CTNNA2: variants seen among roughly 807,000 people sequenced by gnomAD.
The protein encoded by CTNNA2 is catenin alpha 2.
CTNNA2 carries 42 observed loss-of-function variants against 101.0 expected under a neutral mutation model. That is an observed-to-expected ratio of 0.42 (90% CI 0.32 to 0.54). The LOEUF is 0.54. CTNNA2 is among the 20% of genes least tolerant of loss of function. The probability of loss-of-function intolerance (pLI) is 0.14; values close to 1 mark genes in which losing one functional copy is unlikely to be tolerated. For missense variants in CTNNA2, 871 were observed against 1,223.1 expected (o/e 0.71, Z 4.29); for synonymous variants, 450 against 456.4 (o/e 0.99, Z 0.18).
intron 6 of CTNNA2, among the ~76,000 whole-genome samples, chr2:79,894,200 T>C (rs949749672): frequency 6.6e-6 from 1 of 152,080 alleles, no homozygotes; most frequent in East Asian, 1.9e-4. Context: ...CCAGTTAACC[T>C]TGATATGCTA....
At chr2:80,131,683 C>A (rs2148895345) in intron 7 of CTNNA2, among the ~76,000 whole-genome samples, 1 of 152,288 alleles carries the variant, frequency 6.6e-6, no homozygotes, top group South Asian at 2.1e-4. Flanking sequence ...ACCCCAAATT[C>A]TAAGCCTCAC....
chr2:79,620,621 A>G (rs902834345), intron 1 of CTNNA2, among the ~76,000 whole-genome samples: 2 of 152,186 alleles, frequency 1.3e-5, no homozygotes, highest in Non-Finnish European at 2.9e-5. Context: ...ACTGATTTCT[A>G]AGGACCCTGA....
intron 7 of CTNNA2, among the ~76,000 whole-genome samples, chr2:80,247,324 C>T (rs992316335): frequency 1.2e-4 from 19 of 152,154 alleles, no homozygotes; most frequent in African/African-American, 4.1e-4. Flanking sequence ...TGCTGTACCG[C>T]TTTGACCAGT....
intron 2 of CTNNA2, among the ~76,000 whole-genome samples, chr2:79,713,873 C>G (rs1374273207): frequency 6.6e-6 from 1 of 152,112 alleles, no homozygotes; most frequent in African/African-American, 2.4e-5. Flanking sequence ...GAAAAGCACC[C>G]AAGAATTTAA....
At chr2:79,636,036 C>T (rs944222402) in intron 1 of CTNNA2, among the ~76,000 whole-genome samples, 7 of 148,314 alleles carry the variant, frequency 4.7e-5, no homozygotes, top group East Asian at 2.1e-4. Context: ...CTGAGGCAGG[C>T]GGATCACGAG....
At chr2:80,287,523 T>C (rs1674875294) in intron 7 of CTNNA2, among the ~76,000 whole-genome samples, 1 of 152,186 alleles carries the variant, frequency 6.6e-6, no homozygotes, top group Non-Finnish European at 1.5e-5. Flanking sequence ...ATGACGAGGA[T>C]GACACTGATG....
Position 80,476,849 on chromosome 2 carries a change from T to G in CTNNA2, c.1290+57248T>G, listed in dbSNP as rs143386966. ...TGCTTAGTTTCAGAGGGTGGACTTA[T>G]GACTTGTGCCTGTTGAAGAAGAAAA... is the stretch of plus-strand genomic sequence containing the variant. On this transcript the variant is annotated intron_variant, in intron 9 of 18. Transcript: ENST00000402739. 1.8e-4 allele frequency among the ~76,000 whole-genome samples: 28 copies of G among 152,306 alleles called. No individual in the cohort carries two copies. The East Asian group carries it at 5.4e-3, about 29-fold the overall frequency.
intron 2 of CTNNA2, among the ~76,000 whole-genome samples, chr2:79,243,028 A>ACACG (rs1315960182): frequency 2.4e-4 from 37 of 151,026 alleles, no homozygotes; most frequent in Non-Finnish European, 4.4e-4. Context: ...ACACACACAC[A>ACACG]CGTTAATATT....
At chr2:80,016,390 GCTT>G (rs754595717) in intron 7 of CTNNA2, among the ~76,000 whole-genome samples, 19 of 152,094 alleles carry the variant, frequency 1.2e-4, no homozygotes, top group African/African-American at 3.9e-4. Context: ...TGAGTTGTGG[GCTT>G]CTTGGCTATG....
At chr2:79,935,785 C>CAGTAATAAA (rs1357836515) in intron 7 of CTNNA2, among the ~76,000 whole-genome samples, 6 of 152,202 alleles carry the variant, frequency 3.9e-5, no homozygotes, top group Non-Finnish European at 8.8e-5. Context: ...AGAGGCCTGG[C>CAGTAATAAA]AGTAATAAAT....
chr2:79,775,195 G>C (rs140054114), intron 3 of CTNNA2, among the ~76,000 whole-genome samples: 4,144 of 152,216 alleles, frequency 0.027, 81 homozygotes, highest in South Asian at 0.13. Context: ...AAAAGCCCTG[G>C]ATCTTTTAAT....
intron 2 of CTNNA2, among the ~76,000 whole-genome samples, chr2:79,730,817 T>C (rs1371956629): frequency 1.3e-5 from 2 of 151,862 alleles, no homozygotes; most frequent in Non-Finnish European, 2.9e-5. Flanking sequence ...AGAATTCCTT[T>C]CATGCTACAG....
At chr2:79,248,416 A>G (rs1674725450) in intron 2 of CTNNA2, among the ~76,000 whole-genome samples, 3 of 151,914 alleles carry the variant, frequency 2.0e-5, no homozygotes, top group South Asian at 4.1e-4. Flanking sequence ...AAAATTATTA[A>G]TGAGTTTTTT....
At chr2:79,531,196 A>T (rs925602103) in intron 1 of CTNNA2, among the ~76,000 whole-genome samples, 2 of 1,488 alleles carry the variant, frequency 1.3e-3, no homozygotes, top group African/African-American at 7.7e-3. Flanking sequence ...AGATACGCTC[A>T]TATATATATA....
intron 7 of CTNNA2, among the ~76,000 whole-genome samples, chr2:80,194,090 T>G (rs2149002761): frequency 6.6e-6 from 1 of 152,330 alleles, no homozygotes; most frequent in African/African-American, 2.4e-5. Context: ...GTAATCTCAT[T>G]TGCTGTTTAG....
At chr2:79,691,522 T>C (rs539117992) in intron 2 of CTNNA2, among the ~76,000 whole-genome samples, 2 of 151,546 alleles carry the variant, frequency 1.3e-5, no homozygotes, top group East Asian at 1.9e-4. Context: ...AAAAAAAAAC[T>C]ACTTTAAAAT....
At chr2:80,052,949 A>C (rs1001279167) in intron 7 of CTNNA2, among the ~76,000 whole-genome samples, 5 of 152,024 alleles carry the variant, frequency 3.3e-5, no homozygotes, top group Non-Finnish European at 5.9e-5. Flanking sequence ...GTAGATTTTG[A>C]CTTTATATCT....
chr2:80,122,251 C>T (rs1332273006), intron 7 of CTNNA2, among the ~76,000 whole-genome samples: 2 of 151,236 alleles, frequency 1.3e-5, no homozygotes, highest in Non-Finnish European at 2.9e-5. Flanking sequence ...TCTCTCTTCC[C>T]TCTCTCTGTT....
At chr2:80,364,941 G>C (rs548831603) in intron 7 of CTNNA2, among the ~76,000 whole-genome samples, 1 of 152,204 alleles carries the variant, frequency 6.6e-6, no homozygotes, top group East Asian at 1.9e-4. Context: ...TTAGTGATGG[G>C]GTTAAATGCG....
Sources: allele counts gnomAD v4.1 joint callset (sites outside exome capture counted in the v4.1 genomes callset), GRCh38; gene constraint gnomAD v4.1.1; transcripts MANE v1.5; gene names NCBI Gene and HGNC (gene_info 2026-07-23, HGNC 2026-07-21).